The following OR3A2 variants were observed in gnomAD, a reference collection of about 807,000 sequenced individuals.
OR3A2 encodes olfactory receptor 3A2.
For synonymous variants in OR3A2, 126 were observed against 159.3 expected, an observed-to-expected ratio of 0.79 and a Z score of 1.57; for missense variants, 318 against 392.8, an observed-to-expected ratio of 0.81 and a Z score of 1.61.
intron 2 of OR3A2, among the ~76,000 whole-genome samples, chr17:3,342,174 T>C (rs1389826952): frequency 1.3e-5 from 2 of 152,186 alleles, no homozygotes; most frequent in Non-Finnish European, 2.9e-5. Flanking sequence ...TCTAATCTTT[T>C]TTCAAGGTTT....
intron 2 of OR3A2, among the ~76,000 whole-genome samples, chr17:3,347,608 T>G (rs1299284932): frequency 6.6e-6 from 1 of 152,224 alleles, no homozygotes; most frequent in South Asian, 2.1e-4. Context: ...TATTCCATGG[T>G]GTATATCTGC....
intron 2 of OR3A2, among the ~76,000 whole-genome samples, chr17:3,344,229 T>G (rs1476186924): frequency 1.3e-5 from 2 of 152,216 alleles, no homozygotes; most frequent in Non-Finnish European, 2.9e-5. Context: ...TGGCTGAGAC[T>G]TGTGAGCTAA....
chr17:3,379,684 T>C (rs896897875), intron 2 of OR3A2, among the ~76,000 whole-genome samples: 2 of 152,074 alleles, frequency 1.3e-5, no homozygotes, highest in Non-Finnish European at 2.9e-5. Context: ...AGGAATCACA[T>C]GGTGAGGTCG....
chr17:3,323,862 C>T (rs377197423), intron 3 of OR3A2, among the ~76,000 whole-genome samples: 1 of 151,986 alleles, frequency 6.6e-6, no homozygotes, highest in Non-Finnish European at 1.5e-5. Flanking sequence ...CGAGGAGTAT[C>T]TTTGTGGTGT....
intron 3 of OR3A2, among the ~76,000 whole-genome samples, chr17:3,309,031 G>C (rs529962746): frequency 6.6e-6 from 1 of 151,940 alleles, no homozygotes; most frequent in Non-Finnish European, 1.5e-5. Flanking sequence ...CCAGCCTCCC[G>C]AGTAGCTGGG....
intron 2 of OR3A2, among the ~76,000 whole-genome samples, chr17:3,351,876 C>A (rs2049422787): frequency 6.6e-6 from 1 of 151,670 alleles, no homozygotes; most frequent in Non-Finnish European, 1.5e-5. Flanking sequence ...AGAAATAACA[C>A]CGCATATCTA....
rs147802348 is a variant in OR3A2, at chr17:3,292,293, C to A, written c.-84-13140G>T. 1.2e-5 allele frequency: 20 copies of A among 1,614,134 alleles called. 1 individual carries two copies. Among genetic ancestry groups the A allele is most frequent in the Middle Eastern group, 1.6e-4 (1 of 6,062 alleles). On this transcript the variant is annotated intron_variant, in intron 3 of 4. Coordinates refer to the OR3A2 transcript ENST00000573491. ...GAAGAGCTGGGTAAGGCAGGCCCCA[C>A]AGGGAACTGCACGCTTGCGGGACAG...
intron 2 of OR3A2, among the ~76,000 whole-genome samples, chr17:3,382,004 G>C (rs2049740613): frequency 6.6e-6 from 1 of 152,148 alleles, no homozygotes; most frequent in African/African-American, 2.4e-5. Context: ...AGCAAATGAG[G>C]GCCAAGTTCC....
At chr17:3,331,833 C>T (rs1462270392) in intron 3 of OR3A2, among the ~76,000 whole-genome samples, 1 of 151,478 alleles carries the variant, frequency 6.6e-6, no homozygotes, top group African/African-American at 2.4e-5. Context: ...GTTTTTTCCC[C>T]ATCTTTGTGG....
chr17:3,359,659 G>A (rs1278877979), intron 2 of OR3A2, among the ~76,000 whole-genome samples: 1 of 151,540 alleles, frequency 6.6e-6, no homozygotes, highest in Non-Finnish European at 1.5e-5. Flanking sequence ...AGCCTAATGG[G>A]GTTCCCTTTG....
chr17:3,287,050 C>A (rs2048819358), upstream of OR3A2, among the ~76,000 whole-genome samples: 1 of 152,114 alleles, frequency 6.6e-6, no homozygotes, highest in Non-Finnish European at 1.5e-5. Context: ...GGTTTTAGGT[C>A]TTACATTTAA....
chr17:3,377,769 G>T (rs893512762), intron 2 of OR3A2, among the ~76,000 whole-genome samples: 2 of 152,136 alleles, frequency 1.3e-5, no homozygotes, highest in African/African-American at 4.8e-5. Flanking sequence ...CCAGTAGAAA[G>T]GCTAAAATTA....
intron 2 of OR3A2, among the ~76,000 whole-genome samples, chr17:3,380,142 C>T (rs1282321497): frequency 6.6e-6 from 1 of 152,204 alleles, no homozygotes; most frequent in Admixed American, 6.5e-5. Context: ...TCCCCCTTTG[C>T]CTGAAGCAGA....
In OR3A2 at chr17:3,348,794, A is replaced by G. The variant is rs539074428; in HGVS notation, c.-178-12668T>C. ...GGCAGCCAGAGAGAAAGGTCGGGTTACCCACAAAGGGAAGCCCATCAGATT... is the reference window on the plus strand; with the variant it reads ...GGCAGCCAGAGAGAAAGGTCGGGTTGCCCACAAAGGGAAGCCCATCAGATT... On this transcript the variant is annotated intron_variant, in intron 2 of 4. Transcript: ENST00000573491. Among the ~76,000 whole-genome samples the G allele has an allele frequency of 1.4e-3, 220 of 152,344 alleles. 1 individual carries two copies. The highest frequency in any genetic ancestry group is 2.5e-3 in the Non-Finnish European group (170 of 68,032).
chr17:3,286,199 A>G (rs2048809115), upstream of OR3A2, among the ~76,000 whole-genome samples: 1 of 152,068 alleles, frequency 6.6e-6, no homozygotes, highest in Non-Finnish European at 1.5e-5. Flanking sequence ...GTTTGCTGAG[A>G]ATGATGGTTT....
At chr17:3,370,642 T>C (rs1464210512) in intron 2 of OR3A2, among the ~76,000 whole-genome samples, 1 of 151,708 alleles carries the variant, frequency 6.6e-6, no homozygotes, top group Non-Finnish European at 1.5e-5. Context: ...GGATTTTTTT[T>C]TTTATTGTTC....
At chr17:3,333,609 T>C in intron 3 of OR3A2, among the ~76,000 whole-genome samples, 1 of 152,184 alleles carries the variant, frequency 6.6e-6, no homozygotes, top group East Asian at 1.9e-4. Flanking sequence ...CTCTTTGTAC[T>C]CTTTCTCTTT....
rs1361596762 is a variant in OR3A2 at position 3,308,030 on chromosome 17, G to A, written c.-85+28003C>T. The stretch of plus-strand genomic sequence containing the variant: ...TAACTCTATAAAATGTTGATTACAA[G>A]AGTGCCGTTTCACCAGTGCTCAAAA... On this transcript the variant is annotated intron_variant, in intron 3 of 4. Transcript: ENST00000573491. Among the ~76,000 whole-genome samples, 6 of 152,180 alleles carry A rather than the reference G, an allele frequency of 3.9e-5. No homozygotes were observed. In the East Asian group the frequency reaches 1.2e-3, roughly 29 times the overall value.
At chr17:3,309,809 G>A (rs904856199) in intron 3 of OR3A2, among the ~76,000 whole-genome samples, 2 of 151,930 alleles carry the variant, frequency 1.3e-5, no homozygotes, top group East Asian at 1.9e-4. Context: ...TCTGGGCCAC[G>A]ACAGGCATCT....
Sources: allele counts gnomAD v4.1 joint callset (sites outside exome capture counted in the v4.1 genomes callset), GRCh38; gene constraint gnomAD v4.1.1; transcripts MANE v1.5; gene names NCBI Gene and HGNC (gene_info 2026-07-23, HGNC 2026-07-21).